The following PTPRD variants were observed in gnomAD, a reference collection of about 807,000 sequenced individuals.
PTPRD encodes protein tyrosine phosphatase receptor type D.
Under a neutral mutation model 214.5 loss-of-function variants are expected in PTPRD, and 34 were observed. The observed-to-expected ratio is 0.16, with a 90% CI of 0.12 to 0.21. The LOEUF (loss-of-function observed/expected upper bound fraction) is 0.21, where lower values mean the gene tolerates loss of function less well. Ranked by LOEUF, PTPRD falls within the 10% of genes least tolerant of loss-of-function variation. The pLI is 1.00. For missense variants in PTPRD, 2,545 were observed against 2,398.7 expected (o/e 1.06, Z -1.27); for synonymous variants, 1,128 against 845.7 (o/e 1.33, Z -5.79).
At chr9:8,815,993 C>T (rs995519385) in intron 11 of PTPRD, among the ~76,000 whole-genome samples, 1 of 152,172 alleles carries the variant, frequency 6.6e-6, no homozygotes, top group Admixed American at 6.5e-5. Context: ...ACAGAGCAGA[C>T]ATTTACCCCA....
chr9:9,302,206 CT>C (rs964788639), intron 9 of PTPRD, among the ~76,000 whole-genome samples: 1 of 151,736 alleles, frequency 6.6e-6, no homozygotes, highest in African/African-American at 2.4e-5. Flanking sequence ...TTTTAAATTG[CT>C]TTTTTTCCCG....
At chr9:10,459,631 T>C (rs1012972008) in intron 2 of PTPRD, among the ~76,000 whole-genome samples, 3 of 152,182 alleles carry the variant, frequency 2.0e-5, no homozygotes, top group Non-Finnish European at 1.5e-5. Context: ...TGGTTTTGAT[T>C]TGCATTTCTC....
intron 9 of PTPRD, among the ~76,000 whole-genome samples, chr9:9,333,843 GA>G (rs1187760063): frequency 6.6e-6 from 1 of 151,872 alleles, no homozygotes; most frequent in African/African-American, 2.4e-5. Context: ...AGGAAATTCA[GA>G]TATATTTGCC....
intron 2 of PTPRD, among the ~76,000 whole-genome samples, chr9:10,510,321 C>T (rs1196070489): frequency 1.3e-5 from 2 of 152,040 alleles, no homozygotes; most frequent in Non-Finnish European, 2.9e-5. Context: ...AATTCACATA[C>T]ACAAATTTCA....
At chr9:9,100,466 C>T (rs1318095206) in intron 10 of PTPRD, among the ~76,000 whole-genome samples, 1 of 152,072 alleles carries the variant, frequency 6.6e-6, no homozygotes, top group African/African-American at 2.4e-5. Flanking sequence ...GGAACACCAC[C>T]CCCACATTTC....
chr9:8,951,690 T>C (rs2099102987), intron 11 of PTPRD, among the ~76,000 whole-genome samples: 1 of 152,028 alleles, frequency 6.6e-6, no homozygotes, highest in African/African-American at 2.4e-5. Flanking sequence ...AGTTAGGGAA[T>C]CTTGTCTGAT....
At chr9:8,332,294 CT>C (rs1842237055) in intron 43 of PTPRD, among the ~76,000 whole-genome samples, 1 of 151,814 alleles carries the variant, frequency 6.6e-6, no homozygotes, top group African/African-American at 2.4e-5. Flanking sequence ...TTTAAAGTAT[CT>C]GACACAAACC....
intron 9 of PTPRD, among the ~76,000 whole-genome samples, chr9:9,337,795 T>A (rs139086612): frequency 7.5e-4 from 114 of 152,264 alleles, no homozygotes; most frequent in African/African-American, 2.6e-3. Context: ...ATATTATGAG[T>A]TATCTTGCTA....
intron 3 of PTPRD, among the ~76,000 whole-genome samples, chr9:10,036,942 G>A (rs2097195439): frequency 6.6e-6 from 1 of 151,776 alleles, no homozygotes; most frequent in African/African-American, 2.4e-5. Flanking sequence ...TGAGTGCAGT[G>A]GCATGATCAT....
At chr9:9,785,215 C>A (rs1307601827) in intron 5 of PTPRD, among the ~76,000 whole-genome samples, 1 of 151,738 alleles carries the variant, frequency 6.6e-6, no homozygotes, top group East Asian at 1.9e-4. Context: ...ACAAAATTGC[C>A]ATTCAGGAAA....
chr9:8,747,456 G>T (rs1031715437), intron 11 of PTPRD, among the ~76,000 whole-genome samples: 6 of 152,040 alleles, frequency 3.9e-5, no homozygotes, highest in Admixed American at 6.6e-5. Context: ...TAAAGAGGTG[G>T]CAGTCTTACA....
At chr9:9,629,634 T>C (rs1009706803) in intron 7 of PTPRD, among the ~76,000 whole-genome samples, 6 of 152,186 alleles carry the variant, frequency 3.9e-5, no homozygotes, top group Non-Finnish European at 8.8e-5. Flanking sequence ...ACAGATCAGA[T>C]AACTTGATCT....
chr9:10,281,194 A>C (rs1030243206), intron 3 of PTPRD, among the ~76,000 whole-genome samples: 2 of 152,228 alleles, frequency 1.3e-5, no homozygotes, highest in African/African-American at 2.4e-5. Flanking sequence ...GAGTAAAAAC[A>C]AGTCAACAAT....
At chr9:8,864,197 G>T (rs991074015) in intron 11 of PTPRD, among the ~76,000 whole-genome samples, 3 of 152,214 alleles carry the variant, frequency 2.0e-5, no homozygotes, top group Admixed American at 2.0e-4. Context: ...TGAAAAGGAA[G>T]TTAAATTTTG....
intron 5 of PTPRD, among the ~76,000 whole-genome samples, chr9:9,932,124 G>C (rs1237973306): frequency 6.7e-6 from 1 of 148,318 alleles, no homozygotes; most frequent in Non-Finnish European, 1.5e-5. Flanking sequence ...ACAAAGATGG[G>C]GAAAAAACAG....
At chr9:10,580,576 C>G (rs1217502533) in intron 2 of PTPRD, among the ~76,000 whole-genome samples, 3 of 151,960 alleles carry the variant, frequency 2.0e-5, no homozygotes, top group Non-Finnish European at 2.9e-5. Context: ...GAAATGCTGT[C>G]TGGAATTTGG....
At chr9:10,199,120 G>A (rs1237371185) in intron 3 of PTPRD, among the ~76,000 whole-genome samples, 1 of 151,590 alleles carries the variant, frequency 6.6e-6, no homozygotes, top group East Asian at 1.9e-4. Flanking sequence ...TCACATTCTG[G>A]CACTTCTTAG....
At chr9:9,536,700 G>T (rs980817313) in intron 8 of PTPRD, among the ~76,000 whole-genome samples, 9 of 151,972 alleles carry the variant, frequency 5.9e-5, no homozygotes, top group African/African-American at 2.2e-4. Context: ...AAGCCTGCCA[G>T]GGCTCAGTGC....
intron 2 of PTPRD, among the ~76,000 whole-genome samples, chr9:10,519,281 A>AAAAC: frequency 7.0e-6 from 1 of 143,126 alleles, no homozygotes; most frequent in Non-Finnish European, 1.5e-5. Context: ...AAAAAAAAAA[A>AAAAC]AGCAACCTCA....
Sources: allele counts gnomAD v4.1 joint callset (sites outside exome capture counted in the v4.1 genomes callset), GRCh38; gene constraint gnomAD v4.1.1; transcripts MANE v1.5; gene names NCBI Gene and HGNC (gene_info 2026-07-23, HGNC 2026-07-21).